The following NDUFV3 variants were observed in gnomAD, a reference collection of about 807,000 sequenced individuals.
The protein encoded by NDUFV3 is NADH:ubiquinone oxidoreductase subunit V3.
Under a neutral mutation model 37.5 loss-of-function variants are expected in NDUFV3, and 44 were observed. That is an observed-to-expected ratio of 1.17 (90% CI 0.92 to 1.51). NDUFV3 has a LOEUF of 1.51. Among genes scored for constraint, NDUFV3 ranks in the 40% most tolerant of loss-of-function variants. The pLI is 0.00. For synonymous variants in NDUFV3, 235 were observed against 239.3 expected (o/e 0.98, Z 0.17); for missense variants, 580 against 580.4 (o/e 1.00, Z 0.01).
At chr21:42,906,578 G>T (rs775631348) in intron 3 of NDUFV3, among the ~76,000 whole-genome samples, 15 of 152,164 alleles carry the variant, frequency 9.9e-5, no homozygotes, top group Non-Finnish European at 1.3e-4. Context: ...AAACAGAATT[G>T]GGAGTTTTCA....
rs2058721105 is a variant in NDUFV3, at chr21:42,902,378, T to G, written c.170-804T>G. Among the ~76,000 whole-genome samples, 4 of 152,378 alleles carry G rather than the reference T, an allele frequency of 2.6e-5. No individual in the cohort carries two copies. The South Asian group carries it at 8.3e-4, about 32-fold the overall frequency. ...TTCTGAATGTGCCTTGTTTCCAAAG[T>G]TAGTTTTGTGATATTTTGACAAGAT... On this transcript the variant is annotated intron_variant, in intron 2 of 3. Transcript: ENST00000354250.
Position 42,903,945 on chromosome 21 carries a change from G to A in NDUFV3, c.933G>A (p.Val311=). ...CGAAGGGCAGCCCAGCGCCTGCTGT[G>A]TTGGCAGAAGAGGCCAGAGCAGAGG... is the stretch of plus-strand genomic sequence containing the variant. The part of the protein sequence containing the change: ...APPKGSPAPA[V]LAEEARAEGQ... Residue 311 remains valine (V), a synonymous_variant, in exon 3 of 4, where the codon GTG becomes GTA. Transcript: ENST00000354250. 1.2e-6 allele frequency: 2 copies of A among 1,613,408 alleles called. No individual in the cohort carries two copies. Among genetic ancestry groups the A allele is most frequent in the Non-Finnish European group, 1.7e-6 (2 of 1,179,518 alleles).
rs775104083 is a variant in NDUFV3 at position 42,909,061 on chromosome 21, T to C, written c.*40T>C. ...AAGATGAACCTTCCACCGTCTTCAC[T>C]GCATCCTGGAGTGCAAAAATAAAAT... On this transcript the variant is annotated 3_prime_UTR_variant, in exon 4 of 4. Transcript: ENST00000354250. 1 of 1,599,070 alleles carries C rather than the reference T, an allele frequency of 6.3e-7. No homozygotes were observed. Among genetic ancestry groups the C allele is most frequent in the East Asian group, 2.2e-5 (1 of 44,456 alleles).
At chr21:42,897,868 G>A (rs1047914514) in intron 2 of NDUFV3, among the ~76,000 whole-genome samples, 3 of 151,406 alleles carry the variant, frequency 2.0e-5, no homozygotes, top group Non-Finnish European at 2.9e-5. Flanking sequence ...AGTAGAGGTG[G>A]GGTTTCACCA....
intron 3 of NDUFV3, among the ~76,000 whole-genome samples, chr21:42,906,637 T>G (rs1261830108): frequency 2.0e-5 from 3 of 152,242 alleles, no homozygotes; most frequent in African/African-American, 7.2e-5. Flanking sequence ...ACGGGTGTGT[T>G]GTTTCTTAAC....
At position 42,911,264 on chromosome 21, in the gene NDUFV3, AT is replaced by A. The variant is rs1354541726; in HGVS notation, c.*2244del. On this transcript the variant is annotated 3_prime_UTR_variant, in exon 4 of 4. Transcript: ENST00000354250. ...CTCAAAAAAAAATTTTTTTTTTTAA[AT>A]ATCAAAATTGAAAACTAGTATTGTG... 2 of 152,090 alleles carry A rather than the reference AT, an allele frequency of 1.3e-5. No homozygotes were observed. Among genetic ancestry groups the A allele is most frequent in the African/African-American group, 4.8e-5 (2 of 41,424 alleles). The allele number at this position is 152,090 out of a possible 1,614,324, so 9.4% of individuals were successfully genotyped here. A position where few individuals can be genotyped will look rare whatever the true frequency, so the allele number is the denominator to read the frequency against.
chr21:42,904,304 C>T (rs752204993), intron 3 of NDUFV3, 28 bp downstream of exon 3: 11 of 1,566,258 alleles, frequency 7.0e-6, no homozygotes, highest in South Asian at 1.2e-5. Context: ...CTCCCAAGTG[C>T]ACCCTGTCCC....
At chr21:42,894,135 A>T (rs2058670697) in intron 1 of NDUFV3, among the ~76,000 whole-genome samples, 1 of 149,502 alleles carries the variant, frequency 6.7e-6, no homozygotes, top group Non-Finnish European at 1.5e-5. Context: ...GGATCCCATG[A>T]ACCCGGGACG....
At chr21:42,898,604 G>A (rs1045971337) in intron 2 of NDUFV3, among the ~76,000 whole-genome samples, 1 of 152,152 alleles carries the variant, frequency 6.6e-6, no homozygotes, top group Non-Finnish European at 1.5e-5. Flanking sequence ...GGAGTAGCCA[G>A]GACTACAGGT....
chr21:42,903,352 A>C lies in NDUFV3; in HGVS notation c.340A>C (p.Lys114Gln), dbSNP rs763005964. The change falls in exon 3 of 4, where the codon AAA (lysine) becomes CAA (glutamine). Residue 114 changes from lysine (K) to glutamine (Q), a missense_variant. By Grantham distance (53) the Lys-to-Gln change is moderately conservative. Transcript: ENST00000354250. ...SVLFTDEGVP[K>Q]FLSRKTLVEF... ...GCTATTCACAGATGAAGGGGTTCCG[A>C]AATTTTTGTCAAGAAAGACTTTGGT... 4 of 1,614,064 alleles carry C rather than the reference A, an allele frequency of 2.5e-6. No homozygotes were observed. Among genetic ancestry groups the C allele is most frequent in the African/African-American group, 2.7e-5 (2 of 74,922 alleles).
At chr21:42,894,485 A>ATT in intron 1 of NDUFV3, among the ~76,000 whole-genome samples, 1 of 85,602 alleles carries the variant, frequency 1.2e-5, no homozygotes, top group Non-Finnish European at 2.1e-5. Context: ...ATATATTTAT[A>ATT]TATTTATATA....
Position 42,896,817 on chromosome 21 carries a change from C to T in NDUFV3, c.49-110C>T, listed in dbSNP as rs375669121. The T allele has an allele frequency of 1.7e-4, 200 of 1,143,234 alleles. 2 individuals carry two copies. In the South Asian group the frequency reaches 1.9e-3, roughly 11 times the overall value. 70.8% of individuals were successfully genotyped at this position (1,143,234 alleles called of 1,614,324 possible). A position where few individuals can be genotyped will look rare whatever the true frequency, so the allele number is the denominator to read the frequency against. Reference sequence around the variant, plus strand: ...TTGTGCCACTGCACTCCAGCCTGGACGACTGAGAGAGACCCCTGACTCAAA... The same window carrying T: ...TTGTGCCACTGCACTCCAGCCTGGATGACTGAGAGAGACCCCTGACTCAAA... On this transcript the variant is annotated intron_variant, in intron 1 of 3. Transcript: ENST00000354250.
chr21:42,899,176 C>T (rs2058707418), intron 2 of NDUFV3, among the ~76,000 whole-genome samples: 1 of 152,128 alleles, frequency 6.6e-6, no homozygotes, highest in Non-Finnish European at 1.5e-5. Context: ...AGACTGGCTG[C>T]AGTGGGATAC....
chr21:42,908,922 T>G lies in NDUFV3; in HGVS notation c.1323T>G (p.His441Gln). 6.2e-7 allele frequency: 1 copy of G among 1,614,126 alleles called. No individual in the cohort carries two copies. Among genetic ancestry groups the G allele is most frequent in the East Asian group, 2.2e-5 (1 of 44,886 alleles). Residue 441 changes from histidine (H) to glutamine (Q), a missense_variant, in exon 4 of 4, where the codon CAT becomes CAG. By Grantham distance (24) the His-to-Gln change is conservative (BLOSUM62 0). Transcript: ENST00000354250. ...ACACTACCTACAAGAACCTGCAGCA[T>G]CATGACTACAGCACGTACACCTTCT... ...FDNTTYKNLQ[H>Q]HDYSTYTFLD... is the part of the protein sequence containing the mutation.
chr21:42,898,387 A>G (rs1291185753), intron 2 of NDUFV3, among the ~76,000 whole-genome samples: 1 of 152,120 alleles, frequency 6.6e-6, no homozygotes, highest in East Asian at 1.9e-4. Context: ...AGCTCAAGCA[A>G]TCCTCCCACC....
chr21:42,897,568 T>G (rs2058698207), intron 2 of NDUFV3, among the ~76,000 whole-genome samples: 1 of 152,198 alleles, frequency 6.6e-6, no homozygotes, highest in Non-Finnish European at 1.5e-5. Flanking sequence ...AGAGACAGGG[T>G]TTCACAATGT....
rs1018341045 is a variant in NDUFV3 at position 42,912,291 on chromosome 21, T to C, written c.*3270T>C. 1 of 152,188 alleles carries C rather than the reference T, an allele frequency of 6.6e-6. No homozygotes were observed. The highest frequency in any genetic ancestry group is 2.4e-5 in the African/African-American group (1 of 41,430). 9.4% of individuals were successfully genotyped at this position (152,188 alleles called of 1,614,324 possible). On this transcript the variant is annotated 3_prime_UTR_variant, in exon 4 of 4. Coordinates refer to ENST00000354250, the MANE Select transcript of NDUFV3 (RefSeq NM_021075.4). The stretch of plus-strand genomic sequence containing the variant: ...ACTAGTCCTGTTGGGCTAGTCTTTC[T>C]GGGATTTTGGTTTACTCTCCTCCAC...
At chr21:42,902,359 ATG>A (rs2058721014) in intron 2 of NDUFV3, among the ~76,000 whole-genome samples, 1 of 152,212 alleles carries the variant, frequency 6.6e-6, no homozygotes, top group African/African-American at 2.4e-5. Context: ...CTGTTTCTGA[ATG>A]TGCCTTGTTT....
intron 3 of NDUFV3, chr21:42,906,782 G>A (rs956824607): frequency 1.2e-5 from 6 of 488,604 alleles, no homozygotes; most frequent in African/African-American, 9.8e-5. Flanking sequence ...TGTAACCCAC[G>A]TCTTGGTCAG....
Sources: allele counts gnomAD v4.1 joint callset (sites outside exome capture counted in the v4.1 genomes callset), GRCh38; gene constraint gnomAD v4.1.1; transcripts MANE v1.5; gene names NCBI Gene and HGNC (gene_info 2026-07-23, HGNC 2026-07-21).